CEP112: variants seen among roughly 807,000 people sequenced by gnomAD.
CEP112 encodes the protein centrosomal protein of 112 kDa.
A neutral mutation model predicts 153.0 loss-of-function variants in CEP112; 127 were observed. That is an observed-to-expected ratio of 0.83 (90% CI 0.72 to 0.96). The LOEUF (loss-of-function observed/expected upper bound fraction) is 0.96. Ranked by LOEUF, CEP112 falls within the 40% of genes least tolerant of loss-of-function variation. The pLI is 0.00. For missense variants in CEP112, 1,089 were observed against 1,101.2 expected (o/e 0.99, Z 0.16); for synonymous variants, 358 against 374.4 (o/e 0.96, Z 0.51).
At chr17:66,093,766 T>C (rs548810235) in intron 8 of CEP112, among the ~76,000 whole-genome samples, 3 of 152,254 alleles carry the variant, frequency 2.0e-5, no homozygotes, top group African/African-American at 7.2e-5. Flanking sequence ...AAGCAATCTA[T>C]ATATTTCATG....
At chr17:66,177,071 A>T in intron 2 of CEP112, 51 bp from the exon 3 acceptor site, 2 of 1,441,710 alleles carry the variant, frequency 1.4e-6, no homozygotes, top group South Asian at 1.4e-5. Context: ...AAAATGAAAC[A>T]TTCAATTACA....
chr17:65,785,606 T>C (rs945560300), intron 21 of CEP112, among the ~76,000 whole-genome samples: 1 of 152,198 alleles, frequency 6.6e-6, no homozygotes, highest in Non-Finnish European at 1.5e-5. Flanking sequence ...GAAGTTTCCT[T>C]TAAAGCTTTT....
At chr17:66,095,898 G>C (rs2068323088) in intron 8 of CEP112, among the ~76,000 whole-genome samples, 1 of 151,852 alleles carries the variant, frequency 6.6e-6, no homozygotes, top group Non-Finnish European at 1.5e-5. Context: ...AAAACAGTAA[G>C]ATCCCATCTC....
chr17:65,688,376 G>A (rs1052486784), intron 24 of CEP112: 9 of 152,180 alleles, frequency 5.9e-5, no homozygotes, highest in Non-Finnish European at 1.2e-4. Context: ...CAGCAGGTGG[G>A]TCCTGATTAT....
intron 8 of CEP112, among the ~76,000 whole-genome samples, chr17:66,086,796 A>C (rs2067956351): frequency 6.6e-6 from 1 of 152,122 alleles, no homozygotes; most frequent in South Asian, 2.1e-4. Flanking sequence ...CTAGGTGTTG[A>C]TTCTATAGGT....
chr17:65,832,310 T>C (rs2057113335), intron 21 of CEP112, among the ~76,000 whole-genome samples: 1 of 147,430 alleles, frequency 6.8e-6, no homozygotes, highest in African/African-American at 2.5e-5. Context: ...CAAATCAACC[T>C]CAAAGCTAGC....
intron 23 of CEP112, among the ~76,000 whole-genome samples, chr17:65,719,631 G>A (rs978285390): frequency 2.6e-5 from 4 of 152,072 alleles, no homozygotes; most frequent in Non-Finnish European, 5.9e-5. Flanking sequence ...GAATGGTCCA[G>A]GAAATCTGTC....
At chr17:65,758,900 T>G (rs1567971494) in intron 21 of CEP112, among the ~76,000 whole-genome samples, 1 of 152,104 alleles carries the variant, frequency 6.6e-6, no homozygotes, top group Non-Finnish European at 1.5e-5. Context: ...AACTCCATCT[T>G]GAATAGGGGA....
At chr17:66,189,218 A>C (rs1343436698) in intron 1 of CEP112, among the ~76,000 whole-genome samples, 1 of 152,160 alleles carries the variant, frequency 6.6e-6, no homozygotes, top group Non-Finnish European at 1.5e-5. Context: ...AGTATTTTGA[A>C]GGCCAGGCGC....
chr17:65,640,915 T>C, intron 25 of CEP112, 49 bp downstream of exon 25: 1 of 1,029,418 alleles, frequency 9.7e-7, no homozygotes, highest in East Asian at 2.4e-5. Context: ...AAGTTTCTTT[T>C]CAGAGTATCC....
chr17:65,956,872 T>C (rs1003070213), intron 18 of CEP112, among the ~76,000 whole-genome samples: 18 of 152,322 alleles, frequency 1.2e-4, no homozygotes, highest in Admixed American at 9.1e-4. Flanking sequence ...TCCCTCCTTA[T>C]ATGTTCTAAG....
At chr17:65,897,908 T>C (rs1238768253) in intron 20 of CEP112, among the ~76,000 whole-genome samples, 1 of 151,938 alleles carries the variant, frequency 6.6e-6, no homozygotes, top group African/African-American at 2.4e-5. Flanking sequence ...AACTGAGAAC[T>C]AGAAAAAAAA....
Position 66,119,521 on chromosome 17 carries a change from T to A in CEP112, c.642+10225A>T, listed in dbSNP as rs573992331. Among the ~76,000 whole-genome samples, 227 of 152,298 alleles carry A rather than the reference T, an allele frequency of 1.5e-3. 1 individual carries two copies. The highest frequency in any genetic ancestry group is 5.1e-3 in the African/African-American group (211 of 41,574). ...GCTTCTTCCATTCAATATAATATAT[T>A]TGAAATTCATCCACTTTATTGTGTG... On this transcript the variant is annotated intron_variant, in intron 6 of 26. Transcript: ENST00000535342.
intron 16 of CEP112, among the ~76,000 whole-genome samples, 161 bp from the exon 17 acceptor site, chr17:66,005,930 T>C (rs2064255204): frequency 1.3e-5 from 2 of 152,032 alleles, no homozygotes; most frequent in African/African-American, 4.8e-5. Flanking sequence ...ATGATTTCAA[T>C]ACTATACTCA....
At chr17:65,884,578 C>A (rs1027145578) in intron 20 of CEP112, among the ~76,000 whole-genome samples, 4 of 152,046 alleles carry the variant, frequency 2.6e-5, no homozygotes, top group African/African-American at 9.7e-5. Flanking sequence ...ATGAAACATT[C>A]TAGAATATGA....
intron 12 of CEP112, among the ~76,000 whole-genome samples, chr17:66,044,559 C>T (rs1160495085): frequency 6.6e-6 from 1 of 152,114 alleles, no homozygotes; most frequent in African/African-American, 2.4e-5. Context: ...TTGACACAAG[C>T]CACAACATGA....
At chr17:65,917,025 G>A (rs2060519732) in intron 19 of CEP112, among the ~76,000 whole-genome samples, 1 of 152,148 alleles carries the variant, frequency 6.6e-6, no homozygotes, top group Non-Finnish European at 1.5e-5. Flanking sequence ...TGGACACAGG[G>A]GCCCAGGCTC....
intron 21 of CEP112, among the ~76,000 whole-genome samples, chr17:65,782,774 T>C (rs2054070452): frequency 6.6e-6 from 1 of 151,962 alleles, no homozygotes; most frequent in South Asian, 2.1e-4. Context: ...TGGGTACTCA[T>C]GGACATAAAG....
chr17:65,835,484 G>A (rs2057270337), intron 21 of CEP112, among the ~76,000 whole-genome samples: 1 of 152,114 alleles, frequency 6.6e-6, no homozygotes, highest in South Asian at 2.1e-4. Flanking sequence ...ATTCACTGGA[G>A]CCCCAATACG....
Sources: gnomAD v4.1 joint callset for allele counts (sites outside exome capture counted in the v4.1 genomes callset) on GRCh38, gnomAD v4.1.1 for gene constraint, MANE v1.5 for transcripts, NCBI Gene and HGNC (gene_info 2026-07-23, HGNC 2026-07-21) for gene names.